Variants in SEC23B observed in about 807,000 individuals in gnomAD.
The protein encoded by SEC23B is SEC23 homolog B, COPII component, also known as protein transport protein Sec23B.
A neutral mutation model predicts 104.3 loss-of-function variants in SEC23B; 77 were observed. The observed-to-expected ratio is 0.74, with a 90% confidence interval of 0.61 to 0.89. SEC23B has a LOEUF of 0.89. SEC23B is among the 40% of genes least tolerant of loss of function. The pLI, the probability that SEC23B is intolerant of heterozygous loss-of-function variation, is 0.00. For missense variants in SEC23B, 885 were observed against 949.4 expected, an observed-to-expected ratio of 0.93 and a Z score of 0.89; for synonymous variants, 338 against 332.5, an observed-to-expected ratio of 1.02 and a Z score of -0.18.
chr20:18,531,151 G>T (rs2060183410), intron 10 of SEC23B, among the ~76,000 whole-genome samples: 1 of 152,182 alleles, frequency 6.6e-6, no homozygotes, highest in Admixed American at 6.5e-5. Context: ...GTAACAAGCT[G>T]CCTGGTTCAC....
chr20:18,539,534 G>A (rs575262082), intron 12 of SEC23B, among the ~76,000 whole-genome samples: 10 of 150,384 alleles, frequency 6.6e-5, no homozygotes, highest in Non-Finnish European at 1.5e-4. Context: ...AAAAAGAGAT[G>A]GGGTCTCTCT....
In SEC23B at chr20:18,560,915, G is replaced by A; in HGVS notation, c.*175G>A. On this transcript the variant is annotated 3_prime_UTR_variant, in exon 20 of 20. Transcript: ENST00000650089. ...TATTCCTGTCTTTGTCCTTTTTCTT[G>A]CACTATAAAATTATAAGGTCATAAA... 1 of 625,452 alleles carries A rather than the reference G, an allele frequency of 1.6e-6. No individual in the cohort carries two copies. Among genetic ancestry groups the A allele is most frequent in the Non-Finnish European group, 2.9e-6 (1 of 349,804 alleles). 38.7% of individuals were successfully genotyped at this position (625,452 alleles called of 1,614,324 possible).
intron 14 of SEC23B, among the ~76,000 whole-genome samples, chr20:18,545,437 G>T (rs938468173): frequency 2.6e-5 from 4 of 152,222 alleles, no homozygotes; most frequent in Non-Finnish European, 4.4e-5. Flanking sequence ...TTTGTGGGAA[G>T]AAAGTAATTG....
intron 14 of SEC23B, among the ~76,000 whole-genome samples, chr20:18,543,616 A>G (rs188876190): frequency 3.9e-5 from 6 of 152,328 alleles, no homozygotes; most frequent in Admixed American, 2.0e-4. Flanking sequence ...ATACAACAAG[A>G]GAGTAGAACA....
At chr20:18,537,241 T>C (rs987292955) in intron 12 of SEC23B, among the ~76,000 whole-genome samples, 3 of 151,580 alleles carry the variant, frequency 2.0e-5, no homozygotes, top group Non-Finnish European at 4.4e-5. Context: ...CATTACTGGG[T>C]ATATACCCAA....
intron 12 of SEC23B, among the ~76,000 whole-genome samples, chr20:18,537,746 AAAT>A (rs869082097): frequency 2.0e-5 from 3 of 152,022 alleles, no homozygotes; most frequent in African/African-American, 7.2e-5. Context: ...TAATAATAAA[AAAT>A]AAATAAATAA....
chr20:18,535,878 C>A (rs1330610903), intron 12 of SEC23B, 136 bp downstream of exon 12: 3 of 725,488 alleles, frequency 4.1e-6, no homozygotes, highest in Non-Finnish European at 7.3e-6. Flanking sequence ...GATAGTCTGG[C>A]ATGACCTTTT....
chr20:18,560,628 T>C (rs1257977183), intron 19 of SEC23B, 23 bp from the exon 20 acceptor site: 1 of 1,585,528 alleles, frequency 6.3e-7, no homozygotes, highest in Non-Finnish European at 8.7e-7. Context: ...ATCTGCCAAC[T>C]AATCTTTATC....
chr20:18,530,814 CT>C lies in SEC23B; in HGVS notation c.1233+25del, dbSNP rs57738665. The C allele has an allele frequency of 0.11, 145,437 of 1,319,466 alleles. 119 individuals carry two copies. The highest frequency in any genetic ancestry group is 0.12 in the Non-Finnish European group (114,449 of 953,704). 81.7% of individuals were successfully genotyped at this position (1,319,466 alleles called of 1,614,324 possible). A position where few individuals can be genotyped will look rare whatever the true frequency, so the allele number is the denominator to read the frequency against. On this transcript the variant is annotated intron_variant, in intron 10 of 19. Coordinates refer to ENST00000650089, the MANE Select transcript of SEC23B (RefSeq NM_006363.6). Reference sequence around the variant, plus strand: ...ACTTTGGACGTAAAGGTACGGTAAACTTTTTTTTTTTTTTATGTGGACTCAC... The same window carrying C: ...ACTTTGGACGTAAAGGTACGGTAAACTTTTTTTTTTTTTATGTGGACTCAC...
chr20:18,548,283 A>G (rs1600272359), intron 15 of SEC23B, among the ~76,000 whole-genome samples: 1 of 152,322 alleles, frequency 6.6e-6, no homozygotes, highest in East Asian at 1.9e-4. Context: ...TTAATTTTTA[A>G]TGTGGTAAAA....
chr20:18,554,480 A>G (rs775904842), intron 18 of SEC23B, 90 bp downstream of exon 18: 15 of 1,467,942 alleles, frequency 1.0e-5, no homozygotes, highest in East Asian at 2.3e-5. Flanking sequence ...TTAATATTTT[A>G]TGTGATGACA....
chr20:18,530,656 C>CTAATATTCCTAATA, intron 9 of SEC23B, 24 bp from the exon 10 acceptor site: 1 of 1,611,378 alleles, frequency 6.2e-7, no homozygotes, highest in Non-Finnish European at 8.5e-7. Flanking sequence ...CTAATATTCA[C>CTAATATTCCTAATA]TTGATTTTTT....
intron 9 of SEC23B, 31 bp from the exon 10 acceptor site, chr20:18,530,649 A>G (rs779739883): frequency 2.5e-6 from 4 of 1,611,136 alleles, no homozygotes; most frequent in Admixed American, 1.7e-5. Flanking sequence ...AATCTTCCTA[A>G]TATTCACTTG....
intron 6 of SEC23B, 90 bp from the exon 7 acceptor site, chr20:18,525,698 T>C (rs1434415918): frequency 1.5e-6 from 2 of 1,356,234 alleles, no homozygotes; most frequent in Non-Finnish European, 2.1e-6. Flanking sequence ...TGAATAATTA[T>C]CTTGAAGAGC....
At chr20:18,530,536 G>T in intron 9 of SEC23B, 144 bp from the exon 10 acceptor site, 2 of 977,682 alleles carry the variant, frequency 2.0e-6, no homozygotes, top group East Asian at 2.9e-5. Flanking sequence ...TGCCTGGCCT[G>T]TTTTTTTATA....
rs370668586 is a variant in SEC23B at position 18,525,919 on chromosome 20, T to C, written c.821T>C (p.Val274Ala). 6.2e-7 allele frequency: 1 copy of C among 1,614,108 alleles called. No individual in the cohort carries two copies. The highest frequency in any genetic ancestry group is 1.3e-5 in the African/African-American group (1 of 74,948). Residue 274 changes from valine (V) to alanine (A), a missense_variant, in exon 7 of 20, where the codon GTT (valine) becomes GCT (alanine). Transcript: ENST00000650089. ...RSTGVALSIA[V>A]GLLEGTFPNT... is the part of the protein sequence containing the mutation. ...ACTGGTGTGGCTTTGTCCATTGCTG[T>C]TGGCTTGCTGGAGGTAATTTAAAAT...
chr20:18,547,536 A>G (rs2060344051), intron 15 of SEC23B, among the ~76,000 whole-genome samples: 2 of 151,942 alleles, frequency 1.3e-5, no homozygotes, highest in African/African-American at 4.8e-5. Flanking sequence ...GCGAGAACCT[A>G]TGGTTGCAGT....
intron 11 of SEC23B, 99 bp from the exon 12 acceptor site, chr20:18,535,554 C>A: frequency 1.2e-6 from 1 of 851,510 alleles, no homozygotes. Flanking sequence ...AGAAGATACT[C>A]TAAGTAGCCT....
At chr20:18,529,660 T>C (rs943197474) in intron 9 of SEC23B, among the ~76,000 whole-genome samples, 5 of 152,166 alleles carry the variant, frequency 3.3e-5, no homozygotes, top group Admixed American at 6.5e-5. Context: ...GAAGGATTGC[T>C]CTTCCTGGAG....
Sources: gnomAD v4.1 joint callset for allele counts (sites outside exome capture counted in the v4.1 genomes callset) on GRCh38, gnomAD v4.1.1 for gene constraint, MANE v1.5 for transcripts, NCBI Gene and HGNC (gene_info 2026-07-23, HGNC 2026-07-21) for gene names.